The following FMN2 variants were observed in gnomAD, a reference collection of about 807,000 sequenced individuals.
The protein encoded by FMN2 is formin-2.
Under a neutral mutation model 142.3 loss-of-function variants are expected in FMN2, and 51 were observed. That is an observed-to-expected ratio of 0.36 (90% confidence interval 0.29 to 0.45). FMN2 has a LOEUF of 0.45. Ranked by LOEUF, FMN2 falls within the 20% of genes least tolerant of loss-of-function variation. FMN2 has a pLI of 1.00. For synonymous variants in FMN2, 882 were observed against 869.8 expected (o/e 1.01, Z -0.25); for missense variants, 1,936 against 2,122.8 (o/e 0.91, Z 1.73).
intron 8 of FMN2, among the ~76,000 whole-genome samples, chr1:240,328,699 C>T (rs1471536272): frequency 6.6e-6 from 1 of 152,028 alleles, no homozygotes; most frequent in Non-Finnish European, 1.5e-5. Flanking sequence ...AGGTGATTCT[C>T]CTGCCTCAGC....
intron 3 of FMN2, among the ~76,000 whole-genome samples, chr1:240,186,513 A>G (rs1231314992): frequency 2.0e-5 from 3 of 152,326 alleles, no homozygotes; most frequent in Non-Finnish European, 4.4e-5. Context: ...GGTTACGAAG[A>G]AAGTAAGGGT....
intron 7 of FMN2, among the ~76,000 whole-genome samples, chr1:240,259,556 A>G (rs1223855506): frequency 1.4e-5 from 2 of 146,768 alleles, no homozygotes; most frequent in Non-Finnish European, 3.0e-5. Context: ...GCCCTCCTGC[A>G]GGTAAAGTCC....
At chr1:240,114,817 C>A (rs1661959115) in intron 1 of FMN2, among the ~76,000 whole-genome samples, 1 of 151,998 alleles carries the variant, frequency 6.6e-6, no homozygotes, top group Non-Finnish European at 1.5e-5. Flanking sequence ...TCCACCATGC[C>A]CAGCTAATTT....
chr1:240,128,441 C>T (rs1388846840), intron 2 of FMN2, among the ~76,000 whole-genome samples: 1 of 152,124 alleles, frequency 6.6e-6, no homozygotes, highest in Non-Finnish European at 1.5e-5. Context: ...ACCATTTTTG[C>T]AGGGGTAGGT....
At position 240,225,365 on chromosome 1, in the gene FMN2, G is replaced by A. The variant is rs138526699; in HGVS notation, c.4065+14130G>A. ...TAAGGGTAAAACCCTAAGGGCCCAG[G>A]GGCCTTAAGAATAATCTTTCACTGA... On this transcript the variant is annotated intron_variant, in intron 6 of 17. Transcript: ENST00000319653. 7.9e-4 allele frequency among the ~76,000 whole-genome samples: 121 copies of A among 152,268 alleles called. 1 individual carries two copies. In the East Asian group the frequency reaches 0.018, roughly 23 times the overall value.
intron 15 of FMN2, among the ~76,000 whole-genome samples, chr1:240,428,939 A>G (rs1342833375): frequency 2.6e-5 from 4 of 152,202 alleles, no homozygotes; most frequent in Admixed American, 1.3e-4. Context: ...TAATACACAT[A>G]TAGGAATTTC....
chr1:240,384,552 G>T (rs1334735791), intron 14 of FMN2, among the ~76,000 whole-genome samples: 1 of 151,852 alleles, frequency 6.6e-6, no homozygotes, highest in African/African-American at 2.4e-5. Context: ...ACCCTCTCCG[G>T]TCTCTGCTCC....
intron 2 of FMN2, among the ~76,000 whole-genome samples, chr1:240,168,361 A>G (rs1219219505): frequency 6.6e-6 from 1 of 151,936 alleles, no homozygotes; most frequent in Non-Finnish European, 1.5e-5. Flanking sequence ...GCTGAGGTGG[A>G]GGATCACTTG....
chr1:240,178,348 A>G (rs1665012138), intron 3 of FMN2, among the ~76,000 whole-genome samples: 1 of 151,872 alleles, frequency 6.6e-6, no homozygotes, highest in Non-Finnish European at 1.5e-5. Context: ...AAAACACTTT[A>G]TATTTGTCAT....
intron 2 of FMN2, among the ~76,000 whole-genome samples, chr1:240,162,346 C>T (rs1241685681): frequency 6.6e-6 from 1 of 151,862 alleles, no homozygotes; most frequent in Admixed American, 6.6e-5. Context: ...TGCCTGTAGT[C>T]CCAGCTACTC....
chr1:240,459,717 T>TAAAAAAAAAAAAAAAAAA, intron 16 of FMN2, among the ~76,000 whole-genome samples: 1 of 67,128 alleles, frequency 1.5e-5, no homozygotes, highest in Non-Finnish European at 3.0e-5. Flanking sequence ...ACTCTGTCTC[T>TAAAAAAAAAAAAAAAAAA]AAAAAAAAAA....
At chr1:240,124,181 A>G (rs935167280) in intron 2 of FMN2, among the ~76,000 whole-genome samples, 2 of 152,198 alleles carry the variant, frequency 1.3e-5, no homozygotes, top group African/African-American at 4.8e-5. Flanking sequence ...ATACCTCTTC[A>G]AGACCCTGTA....
Position 240,093,625 on chromosome 1 carries a change from G to A in FMN2, c.1516G>A (p.Gly506Arg). The A allele has an allele frequency of 7.0e-7, 1 of 1,423,858 alleles. No individual in the cohort carries two copies. 88.2% of individuals were successfully genotyped at this position (1,423,858 alleles called of 1,614,324 possible). A position where few individuals can be genotyped will look rare whatever the true frequency, so the allele number is the denominator to read the frequency against. The change falls in exon 1 of 18, where the codon GGG becomes AGG. Residue 506 changes from glycine (G) to arginine (R), a missense_variant. Around this residue, in one of 8 missense-constraint regions of FMN2, gnomAD observed 751 missense variants for 791.8 expected, o/e 0.95. Coordinates refer to ENST00000319653, the MANE Select transcript of FMN2 (RefSeq NM_020066.5). ...AGGCTCCGCGCACCTGCTGGAGCGCGGGGTGGCGAGTGACAGCGGCGGTGG... is the reference window on the plus strand; with the variant it reads ...AGGCTCCGCGCACCTGCTGGAGCGCAGGGTGGCGAGTGACAGCGGCGGTGG... ...VGGSAHLLERGVASDSGGGVS... is the reference protein window; with the variant it reads ...VGGSAHLLERRVASDSGGGVS...
chr1:240,355,951 C>CAAAAAAAAAAAAAAAAAAAACAAAAA (rs1672252948), intron 14 of FMN2, 43 bp downstream of exon 14: 1 of 236,628 alleles, frequency 4.2e-6, no homozygotes, highest in Non-Finnish European at 7.6e-6. Flanking sequence ...CCCCTTTCAG[C>CAAAAAAAAAAAAAAAAAAAACAAAAA]AAAAAAAAAA....
At chr1:240,365,289 GTATA>G (rs1169608532) in intron 14 of FMN2, among the ~76,000 whole-genome samples, 8 of 125,072 alleles carry the variant, frequency 6.4e-5, no homozygotes, top group Admixed American at 5.4e-4. Flanking sequence ...ATATGTGTGT[GTATA>G]TATATACACA....
At chr1:240,128,693 C>T (rs1662610246) in intron 2 of FMN2, among the ~76,000 whole-genome samples, 1 of 152,080 alleles carries the variant, frequency 6.6e-6, no homozygotes, top group African/African-American at 2.4e-5. Flanking sequence ...GAAGACATAA[C>T]AATTCAGGTT....
chr1:240,209,052 G>GT (rs1018459241), intron 5 of FMN2, among the ~76,000 whole-genome samples: 5 of 152,040 alleles, frequency 3.3e-5, no homozygotes, highest in Admixed American at 6.6e-5. Flanking sequence ...TTATCTAGTT[G>GT]TAAGACTGCT....
At chr1:240,300,826 T>C (rs1670172054) in intron 8 of FMN2, among the ~76,000 whole-genome samples, 1 of 152,040 alleles carries the variant, frequency 6.6e-6, no homozygotes, top group Non-Finnish European at 1.5e-5. Context: ...TTAGTAATAC[T>C]CTTTGTCTTG....
chr1:240,355,762 C>T, intron 13 of FMN2, 54 bp from the exon 14 acceptor site: 1 of 1,311,814 alleles, frequency 7.6e-7, no homozygotes, highest in Non-Finnish European at 1.1e-6. Context: ...TCAAAATTGC[C>T]TTAATGCTCC....
Sources: allele counts gnomAD v4.1 joint callset (sites outside exome capture counted in the v4.1 genomes callset), GRCh38; gene constraint gnomAD v4.1.1; regional missense constraint gnomAD v4.1.1; transcripts MANE v1.5; gene names NCBI Gene and HGNC (gene_info 2026-07-23, HGNC 2026-07-21).